Variants in STK3 observed in about 807,000 individuals in gnomAD.
The protein encoded by STK3 is serine/threonine kinase 3.
STK3 carries 41 observed loss-of-function variants against 58.0 expected under a neutral mutation model. The observed-to-expected ratio is 0.71, with a 90% CI of 0.55 to 0.92. The LOEUF (loss-of-function observed/expected upper bound fraction) is 0.92, where lower values mean the gene tolerates loss of function less well. Ranked by LOEUF, STK3 falls within the 40% of genes least tolerant of loss-of-function variation. The pLI is 0.00. For missense variants in STK3, 479 were observed against 602.7 expected, an observed-to-expected ratio of 0.79 and a Z score of 2.15; for synonymous variants, 170 against 191.0, an observed-to-expected ratio of 0.89 and a Z score of 0.91.
At chr8:98,840,214 G>A (rs922143449) in intron 3 of STK3, among the ~76,000 whole-genome samples, 3 of 151,710 alleles carry the variant, frequency 2.0e-5, no homozygotes, top group African/African-American at 7.3e-5. Context: ...TGGGCATAGT[G>A]GTGCATATCA....
At chr8:98,760,346 T>C (rs1415283541) in intron 3 of STK3, among the ~76,000 whole-genome samples, 1 of 152,100 alleles carries the variant, frequency 6.6e-6, no homozygotes, top group Non-Finnish European at 1.5e-5. Flanking sequence ...CACTACGTTA[T>C]CCAGGCTGCT....
At chr8:98,417,981 C>T (rs1818132818) in intron 3 of STK3, among the ~76,000 whole-genome samples, 1 of 152,102 alleles carries the variant, frequency 6.6e-6, no homozygotes, top group Non-Finnish European at 1.5e-5. Context: ...GTAATTGTAG[C>T]TCACTGCAGC....
At chr8:98,579,564 C>T (rs560370323) in intron 8 of STK3, 100 bp downstream of exon 8, 8 of 1,380,514 alleles carry the variant, frequency 5.8e-6, no homozygotes, top group Non-Finnish European at 7.9e-6. Flanking sequence ...ACATATCTTA[C>T]TTGTATAGTA....
chr8:98,663,648 T>G (rs1302357224), intron 6 of STK3, among the ~76,000 whole-genome samples: 4 of 152,128 alleles, frequency 2.6e-5, no homozygotes, highest in Admixed American at 1.3e-4. Context: ...TAGAGTGGAT[T>G]AAGAAAATGT....
intron 3 of STK3, among the ~76,000 whole-genome samples, chr8:98,866,572 A>C (rs1837154610): frequency 6.6e-6 from 1 of 152,212 alleles, no homozygotes; most frequent in Admixed American, 6.5e-5. Flanking sequence ...GGAACGCTGG[A>C]AAGAGTTTAT....
At chr8:98,668,665 A>G (rs1049630387) in intron 6 of STK3, among the ~76,000 whole-genome samples, 7 of 152,054 alleles carry the variant, frequency 4.6e-5, no homozygotes. Context: ...ACAGCATTAT[A>G]TAATGTTGAA....
chr8:98,436,891 C>G (rs577412811), intron 2 of STK3: 109 of 152,422 alleles, frequency 7.2e-4, no homozygotes, highest in African/African-American at 2.4e-3. Context: ...ACCCACCGGA[C>G]CAGGTGTCAC....
rs1250556718 is a variant in STK3 at position 98,528,818 on chromosome 8, G to A, written c.1142-1901C>T. ...ACGTAAAATTGAAATCTTTCCTTCCGTAATTTACACTCATGTTCCAAATAA... is the reference window on the plus strand; with the variant it reads ...ACGTAAAATTGAAATCTTTCCTTCCATAATTTACACTCATGTTCCAAATAA... On this transcript the variant is annotated intron_variant, in intron 9 of 10. Transcript: ENST00000419617. 4.6e-5 allele frequency among the ~76,000 whole-genome samples: 7 copies of A among 152,068 alleles called. No homozygotes were observed. In the South Asian group the frequency reaches 6.2e-4, roughly 14 times the overall value.
rs1201526884 is a variant in STK3, at chr8:98,912,076, G to T, written c.-78-28242C>A. Among the ~76,000 whole-genome samples, 3 of 152,146 alleles carry T rather than the reference G, an allele frequency of 2.0e-5. No homozygotes were observed. In the East Asian group the frequency reaches 5.8e-4, roughly 29 times the overall value. ...AGATAGACACAAGAGTCAGACAGTT[G>T]AAGATCAGAACTTTATCTTGGGCCG... is the stretch of plus-strand genomic sequence containing the variant. On this transcript the variant is annotated intron_variant, in intron 1 of 1. Transcript: ENST00000519420.
intron 1 of STK3, among the ~76,000 whole-genome samples, chr8:98,926,290 C>T (rs1839791289): frequency 6.6e-6 from 1 of 152,094 alleles, no homozygotes; most frequent in African/African-American, 2.4e-5. Context: ...CTTTTATCTG[C>T]TCTTTAGAAG....
At chr8:98,496,087 T>C (rs1359019497) in intron 10 of STK3, among the ~76,000 whole-genome samples, 1 of 152,182 alleles carries the variant, frequency 6.6e-6, no homozygotes, top group African/African-American at 2.4e-5. Context: ...GACCCCCAAC[T>C]AGATTGCAAA....
downstream of STK3, among the ~76,000 whole-genome samples, chr8:98,451,946 C>G (rs1485302948): frequency 6.7e-6 from 1 of 149,592 alleles, no homozygotes; most frequent in Non-Finnish European, 1.5e-5. Flanking sequence ...GATGAAATAT[C>G]TAATTAAATG....
intron 10 of STK3, among the ~76,000 whole-genome samples, chr8:98,462,198 A>AT (rs914557427): frequency 2.6e-5 from 4 of 151,646 alleles, no homozygotes; most frequent in African/African-American, 4.8e-5. Context: ...TTTATTTTTT[A>AT]TTTTTTTTGA....
At chr8:98,362,847 A>T in the STK3 span, among the ~76,000 whole-genome samples, 3 of 152,212 alleles carry the variant, frequency 2.0e-5, no homozygotes, top group African/African-American at 7.2e-5. Context: ...CTGCTCCCAC[A>T]GCTGGGCACC....
At chr8:98,458,900 C>T (rs1326936549) in intron 10 of STK3, among the ~76,000 whole-genome samples, 2 of 152,276 alleles carry the variant, frequency 1.3e-5, no homozygotes, top group East Asian at 3.9e-4. Flanking sequence ...GTAAATTACC[C>T]AGTCTTGGGT....
chr8:98,628,378 T>G (rs938869688), intron 6 of STK3, among the ~76,000 whole-genome samples: 1 of 152,232 alleles, frequency 6.6e-6, no homozygotes, highest in African/African-American at 2.4e-5. Context: ...TTACTCATGC[T>G]AGACTTTTGG....
intron 6 of STK3, 151 bp from the exon 7 acceptor site, chr8:98,596,320 G>T: frequency 1.2e-6 from 1 of 862,196 alleles, no homozygotes; most frequent in Non-Finnish European, 1.7e-6. Flanking sequence ...AATTCAGGAA[G>T]CCAGTCCATC....
chr8:98,397,052 T>A (rs939625370), downstream of STK3, among the ~76,000 whole-genome samples: 2 of 152,056 alleles, frequency 1.3e-5, no homozygotes, highest in African/African-American at 2.4e-5. Flanking sequence ...AATGACAGAG[T>A]CTGGCTCCAG....
chr8:98,749,777 T>A (rs1227606682), intron 3 of STK3, among the ~76,000 whole-genome samples: 1 of 152,140 alleles, frequency 6.6e-6, no homozygotes, highest in Admixed American at 6.5e-5. Flanking sequence ...TCGAAAATAA[T>A]CTATATTTCC....
Sources: allele counts gnomAD v4.1 joint callset (sites outside exome capture counted in the v4.1 genomes callset), GRCh38; gene constraint gnomAD v4.1.1; transcripts MANE v1.5; gene names NCBI Gene and HGNC (gene_info 2026-07-23, HGNC 2026-07-21).